SLC1A1: variants seen among roughly 807,000 people sequenced by gnomAD.
SLC1A1 encodes excitatory amino acid transporter 3.
SLC1A1 carries 43 observed loss-of-function variants against 53.3 expected under a neutral mutation model. The observed-to-expected ratio is 0.81, with a 90% CI of 0.63 to 1.04. The LOEUF (loss-of-function observed/expected upper bound fraction) is 1.04, where lower values mean the gene tolerates loss of function less well. Among genes scored for constraint, SLC1A1 ranks in the 50% least tolerant of loss-of-function variants. The pLI is 0.00. For missense variants in SLC1A1, 748 were observed against 664.9 expected (o/e 1.12, Z -1.37); for synonymous variants, 307 against 243.2 (o/e 1.26, Z -2.44).
In SLC1A1 at chr9:4,558,989, G is replaced by T. The variant is rs555795667; in HGVS notation, c.233-2460G>T. Among the ~76,000 whole-genome samples the T allele has an allele frequency of 4.6e-5, 7 of 152,258 alleles. No homozygotes were observed. In the South Asian group the frequency reaches 1.5e-3, roughly 32 times the overall value. ...TATACCAAGCTCTAAAATGAAACAG[G>T]CACATATTTTATAATCATATAATAT... On this transcript the variant is annotated intron_variant, in intron 2 of 11. Transcript: ENST00000262352.
intron 1 of SLC1A1, among the ~76,000 whole-genome samples, chr9:4,502,998 T>G (rs1455700300): frequency 6.6e-6 from 1 of 151,838 alleles, no homozygotes; most frequent in Non-Finnish European, 1.5e-5. Context: ...ATCCTTTTGC[T>G]CAAATGTTTC....
Position 4,585,576 on chromosome 9 carries a change from G to T in SLC1A1, c.*18G>T. On this transcript the variant is annotated 3_prime_UTR_variant, in exon 12 of 12. Coordinates refer to ENST00000262352, the MANE Select transcript of SLC1A1 (RefSeq NM_004170.6). ...AGTTCTAGGGCCCCTGGCTGCAGAT[G>T]ACTGGAAACAAGGAAGGACATTTCC... The T allele has an allele frequency of 2.5e-6, 4 of 1,614,114 alleles. No homozygotes were observed. The South Asian group carries it at 4.4e-5, about 18-fold the overall frequency.
intron 2 of SLC1A1, among the ~76,000 whole-genome samples, chr9:4,546,439 A>G (rs1817500453): frequency 6.6e-6 from 1 of 152,052 alleles, no homozygotes; most frequent in Non-Finnish European, 1.5e-5. Context: ...AAAAAAAAAA[A>G]TGAAGATCTG....
At chr9:4,568,706 A>C (rs555400934) in intron 6 of SLC1A1, among the ~76,000 whole-genome samples, 1 of 152,018 alleles carries the variant, frequency 6.6e-6, no homozygotes, top group East Asian at 1.9e-4. Flanking sequence ...AAAAAAAAAA[A>C]AAAAAACATA....
At chr9:4,546,375 G>C (rs1437617080) in intron 2 of SLC1A1, among the ~76,000 whole-genome samples, 1 of 151,906 alleles carries the variant, frequency 6.6e-6, no homozygotes. Context: ...ATTGTCATAA[G>C]CATTTAAAAT....
intron 1 of SLC1A1, among the ~76,000 whole-genome samples, chr9:4,526,008 GAAAAAC>G (rs1214462607): frequency 1.3e-5 from 2 of 152,202 alleles, no homozygotes; most frequent in South Asian, 2.1e-4. Flanking sequence ...TGCATATACT[GAAAAAC>G]AAAAACAAAG....
chr9:4,563,479 C>T (rs902989331), intron 3 of SLC1A1, among the ~76,000 whole-genome samples: 3 of 152,152 alleles, frequency 2.0e-5, no homozygotes, highest in Non-Finnish European at 2.9e-5. Context: ...AGTCATGGCC[C>T]CTTATTGCCC....
At chr9:4,518,657 T>G (rs1815951233) in intron 1 of SLC1A1, among the ~76,000 whole-genome samples, 1 of 152,162 alleles carries the variant, frequency 6.6e-6, no homozygotes, top group African/African-American at 2.4e-5. Flanking sequence ...GTAGTGTCTG[T>G]AGCTTCTTTC....
At chr9:4,500,082 A>G (rs2032958867) in intron 1 of SLC1A1, among the ~76,000 whole-genome samples, 2 of 152,132 alleles carry the variant, frequency 1.3e-5, no homozygotes, top group African/African-American at 4.8e-5. Context: ...GACTGAAAAT[A>G]ACTGTCCTAG....
chr9:4,562,134 T>A (rs1327570856), intron 3 of SLC1A1, among the ~76,000 whole-genome samples: 1 of 149,312 alleles, frequency 6.7e-6, no homozygotes, highest in African/African-American at 2.5e-5. Flanking sequence ...TGCAGTGGCA[T>A]GATCTCGGCT....
chr9:4,563,044 A>G (rs1173538113), intron 3 of SLC1A1, among the ~76,000 whole-genome samples: 1 of 151,400 alleles, frequency 6.6e-6, no homozygotes, highest in Non-Finnish European at 1.5e-5. Flanking sequence ...GGTGCAGCGC[A>G]CCAGCATGGC....
chr9:4,528,221 C>G (rs1170150591), intron 1 of SLC1A1, among the ~76,000 whole-genome samples: 1 of 151,886 alleles, frequency 6.6e-6, no homozygotes, highest in Non-Finnish European at 1.5e-5. Flanking sequence ...CCCCTTCTCA[C>G]AAGAAGATAC....
At chr9:4,552,002 T>A (rs1356092848) in intron 2 of SLC1A1, among the ~76,000 whole-genome samples, 1 of 152,236 alleles carries the variant, frequency 6.6e-6, no homozygotes, top group Non-Finnish European at 1.5e-5. Context: ...TATGCCCTGC[T>A]TTAGTCTTTC....
intron 6 of SLC1A1, among the ~76,000 whole-genome samples, chr9:4,570,433 G>A (rs894593079): frequency 7.3e-5 from 11 of 150,914 alleles, no homozygotes; most frequent in Admixed American, 2.6e-4. Context: ...GTGCAGTGGC[G>A]TGACCTTGGC....
intron 1 of SLC1A1, among the ~76,000 whole-genome samples, chr9:4,519,905 G>C (rs945724010): frequency 3.3e-5 from 5 of 152,180 alleles, no homozygotes; most frequent in African/African-American, 1.2e-4. Context: ...AGGTATGCAA[G>C]TCATTAATTA....
intron 1 of SLC1A1, among the ~76,000 whole-genome samples, chr9:4,522,251 C>T (rs1294602293): frequency 6.6e-6 from 1 of 151,948 alleles, no homozygotes; most frequent in Non-Finnish European, 1.5e-5. Context: ...TGGGGTTTCA[C>T]TGAGTTAGCC....
chr9:4,573,658 C>G (rs1413925485), intron 7 of SLC1A1, among the ~76,000 whole-genome samples: 2 of 152,004 alleles, frequency 1.3e-5, no homozygotes, highest in African/African-American at 4.8e-5. Flanking sequence ...CATGTTCTTG[C>G]CAAGTTTGCA....
intron 1 of SLC1A1, among the ~76,000 whole-genome samples, chr9:4,531,664 T>C (rs1230309024): frequency 1.3e-5 from 2 of 152,290 alleles, no homozygotes; most frequent in East Asian, 3.9e-4. Flanking sequence ...AGCAGAATCC[T>C]CTGCAGACTT....
intron 2 of SLC1A1, among the ~76,000 whole-genome samples, chr9:4,551,870 T>A (rs1478826960): frequency 6.6e-6 from 1 of 152,224 alleles, no homozygotes; most frequent in East Asian, 1.9e-4. Context: ...ACTTATTGTA[T>A]CAATTTGATT....
Sources: gnomAD v4.1 joint callset for allele counts (sites outside exome capture counted in the v4.1 genomes callset) on GRCh38, gnomAD v4.1.1 for gene constraint, MANE v1.5 for transcripts, NCBI Gene and HGNC (gene_info 2026-07-23, HGNC 2026-07-21) for gene names.